Variants in VSX2 observed in about 807,000 individuals in gnomAD.
VSX2 encodes visual system homeobox 2.
A neutral mutation model predicts 32.1 loss-of-function variants in VSX2; 28 were observed. The ratio of observed to expected loss-of-function variants is 0.87; its 90% CI spans 0.65 to 1.20. The LOEUF is 1.20. Ranked by LOEUF, VSX2 falls within the 50% of genes most tolerant of loss-of-function variation. The pLI is 0.00. For synonymous variants in VSX2, 243 were observed against 214.1 expected, an observed-to-expected ratio of 1.14 and a Z score of -1.18; for missense variants, 506 against 488.7, an observed-to-expected ratio of 1.04 and a Z score of -0.33.
intron 2 of VSX2, among the ~76,000 whole-genome samples, chr14:74,244,920 GT>G (rs2079176836): frequency 1.2e-5 from 1 of 83,272 alleles, no homozygotes; most frequent in Non-Finnish European, 2.8e-5. Flanking sequence ...GTGTGTGTGT[GT>G]GTGTGTGTGA....
chr14:74,259,473 C>T (rs1410095462), intron 3 of VSX2, 129 bp from the exon 4 acceptor site: 25 of 1,026,756 alleles, frequency 2.4e-5, no homozygotes, highest in Non-Finnish European at 3.5e-5. Context: ...CAGAGGGCAC[C>T]ATGGAGTAGG....
rs1044773798 is a variant in VSX2, at chr14:74,241,166, T to C, written c.371-16T>C. Reference sequence around the variant, plus strand: ...CGTCCCCCACTCTGCCGCATGTCCCTACGCCCGCTTTTCAGATTCTGAAGA... The same window carrying C: ...CGTCCCCCACTCTGCCGCATGTCCCCACGCCCGCTTTTCAGATTCTGAAGA... On this transcript the variant is annotated splice_polypyrimidine_tract_variant and intron_variant, in intron 1 of 4. Coordinates refer to ENST00000261980, the MANE Select transcript of VSX2 (RefSeq NM_182894.3). 6.2e-7 allele frequency: 1 copy of C among 1,612,430 alleles called. No homozygotes were observed. The highest frequency in any genetic ancestry group is 8.5e-7 in the Non-Finnish European group (1 of 1,179,812).
rs1468169553 is a variant in VSX2, at chr14:74,239,513, T to C, written c.-49T>C. On this transcript the variant is annotated 5_prime_UTR_variant, in exon 1 of 5. Coordinates refer to ENST00000261980, the MANE Select transcript of VSX2 (RefSeq NM_182894.3). ...CGAAGCGGGAAGCCCGGCGGGGGGG[T>C]GGGGGGAGCTAAAGACCTGCGGCCT... 9.2e-6 allele frequency: 14 copies of C among 1,528,534 alleles called. 1 individual carries two copies. In the African/African-American group the frequency reaches 1.0e-4, roughly 11 times the overall value. The allele number at this position is 1,528,534 out of a possible 1,614,324, so 94.7% of individuals were successfully genotyped here.
chr14:74,244,881 AGTGTGTGTGT>A lies in VSX2; in HGVS notation c.456-244_456-235del, dbSNP rs57885912. On this transcript the variant is annotated intron_variant, in intron 2 of 4. Coordinates refer to ENST00000261980, the MANE Select transcript of VSX2 (RefSeq NM_182894.3). ...AACTATGAGACAGAGAGAGAGAGAAAGTGTGTGTGTGTGTGTGTGTGTGTGTGTGTGTGTG... is the reference window on the plus strand; with the variant it reads ...AACTATGAGACAGAGAGAGAGAGAAAGTGTGTGTGTGTGTGTGTGTGTGTG... Among the ~76,000 whole-genome samples the A allele has an allele frequency of 6.2e-3, 318 of 51,300 alleles. 26 individuals are homozygous for A. The highest frequency in any genetic ancestry group is 0.019 in the South Asian group (28 of 1,446). 33.7% of individuals were successfully genotyped at this position (51,300 alleles called of 152,430 possible).
At position 74,249,490 on chromosome 14, in the gene VSX2, G is replaced by A. The variant is rs183337828; in HGVS notation, c.579+4202G>A. Among the ~76,000 whole-genome samples, 34 of 152,232 alleles carry A rather than the reference G, an allele frequency of 2.2e-4. No individual in the cohort carries two copies. The South Asian group carries it at 6.8e-3, about 31-fold the overall frequency. ...TTGCCACGTTGGCCAGGCTGGTCTC[G>A]AACTCCTGACCTCAAATGATGCACC... is the stretch of plus-strand genomic sequence containing the variant. On this transcript the variant is annotated intron_variant, in intron 3 of 4. Coordinates refer to ENST00000261980, the MANE Select transcript of VSX2 (RefSeq NM_182894.3).
Position 74,261,057 on chromosome 14 carries a change from C to G in VSX2, c.*138C>G. On this transcript the variant is annotated 3_prime_UTR_variant, in exon 5 of 5. Transcript: ENST00000261980. ...GTTCCCCACAGGTCCTCCATCACCC[C>G]TGGTGGCTGCAGGCACCGCTGGGTT... 5.8e-6 allele frequency: 6 copies of G among 1,040,592 alleles called. No homozygotes were observed. The highest frequency in any genetic ancestry group is 6.2e-4 in the Middle Eastern group (2 of 3,206). 64.5% of individuals were successfully genotyped at this position (1,040,592 alleles called of 1,614,324 possible).
chr14:74,261,919 G>A lies in VSX2; in HGVS notation c.*1000G>A, dbSNP rs2079310648. ...CTGCCTTGAACAACCCAATCTGGCTGGTAAATGACATCTACGAAGCCACAG... is the reference window on the plus strand; with the variant it reads ...CTGCCTTGAACAACCCAATCTGGCTAGTAAATGACATCTACGAAGCCACAG... On this transcript the variant is annotated 3_prime_UTR_variant, in exon 5 of 5. Coordinates refer to ENST00000261980, the MANE Select transcript of VSX2 (RefSeq NM_182894.3). 6.6e-6 allele frequency: 1 copy of A among 152,176 alleles called. No homozygotes were observed. The highest frequency in any genetic ancestry group is 2.1e-4 in the South Asian group (1 of 4,832). The allele number at this position is 152,176 out of a possible 1,614,324, so 9.4% of individuals were successfully genotyped here.
At chr14:74,259,129 A>C (rs552107981) in intron 3 of VSX2, among the ~76,000 whole-genome samples, 2 of 151,960 alleles carry the variant, frequency 1.3e-5, no homozygotes, top group African/African-American at 4.8e-5. Context: ...CTGATCCCTC[A>C]CTCACCTGCA....
intron 2 of VSX2, among the ~76,000 whole-genome samples, chr14:74,242,883 G>A (rs531379967): frequency 6.6e-6 from 1 of 152,258 alleles, no homozygotes; most frequent in Non-Finnish European, 1.5e-5. Flanking sequence ...TCCGCATCAG[G>A]ACATCTCACT....
At chr14:74,240,587 G>A (rs990732772) in intron 1 of VSX2, among the ~76,000 whole-genome samples, 1 of 152,122 alleles carries the variant, frequency 6.6e-6, no homozygotes, top group African/African-American at 2.4e-5. Context: ...GTCGCGGCCC[G>A]CTCGAACCTC....
Position 74,261,169 on chromosome 14 carries a change from C to G in VSX2, c.*250C>G, listed in dbSNP as rs144569223. On this transcript the variant is annotated 3_prime_UTR_variant, in exon 5 of 5. Transcript: ENST00000261980. ...TCAGAAGCCTTCTTGCTGCCCACAA[C>G]GTCCCCTCAAGCCCCTTCTCTCAAT... 2.1e-5 allele frequency: 12 copies of G among 560,644 alleles called. No individual in the cohort carries two copies. The South Asian group carries it at 2.4e-4, about 11-fold the overall frequency. The allele number at this position is 560,644 out of a possible 1,614,324, so 34.7% of individuals were successfully genotyped here. A position where few individuals can be genotyped will look rare whatever the true frequency, so the allele number is the denominator to read the frequency against.
chr14:74,239,519 G>A lies in VSX2; in HGVS notation c.-43G>A, dbSNP rs1296068456. 1.3e-6 allele frequency: 2 copies of A among 1,548,894 alleles called. No homozygotes were observed. The highest frequency in any genetic ancestry group is 1.7e-6 in the Non-Finnish European group (2 of 1,146,448). On this transcript the variant is annotated 5_prime_UTR_variant, in exon 1 of 5. Coordinates refer to ENST00000261980, the MANE Select transcript of VSX2 (RefSeq NM_182894.3). Reference sequence around the variant, plus strand: ...GGGAAGCCCGGCGGGGGGGTGGGGGGAGCTAAAGACCTGCGGCCTCAGCCC... The same window carrying A: ...GGGAAGCCCGGCGGGGGGGTGGGGGAAGCTAAAGACCTGCGGCCTCAGCCC...
intron 3 of VSX2, 69 bp downstream of exon 3, chr14:74,245,357 C>T (rs977897801): frequency 6.9e-6 from 11 of 1,602,006 alleles, no homozygotes; most frequent in Middle Eastern, 1.7e-4. Flanking sequence ...TCCAGGGTTC[C>T]AGATGCCCAT....
chr14:74,261,214 G>A lies in VSX2; in HGVS notation c.*295G>A. 1 of 461,748 alleles carries A rather than the reference G, an allele frequency of 2.2e-6. No homozygotes were observed. Among genetic ancestry groups the A allele is most frequent in the Non-Finnish European group, 3.9e-6 (1 of 255,616 alleles). 28.6% of individuals were successfully genotyped at this position (461,748 alleles called of 1,614,324 possible). On this transcript the variant is annotated 3_prime_UTR_variant, in exon 5 of 5. Transcript: ENST00000261980. Reference sequence around the variant, plus strand: ...CTCAATCCCTTTGCAACGCTCACTGGTTTTGGCCACCCCTTGCTCTCTGTT... The same window carrying A: ...CTCAATCCCTTTGCAACGCTCACTGATTTTGGCCACCCCTTGCTCTCTGTT...
intron 3 of VSX2, 76 bp from the exon 4 acceptor site, chr14:74,259,526 C>T: frequency 6.3e-7 from 1 of 1,588,100 alleles, no homozygotes; most frequent in Non-Finnish European, 8.6e-7. Context: ...ATCTTCACTC[C>T]AAGCCTACAA....
At chr14:74,245,738 C>T (rs1346333739) in intron 3 of VSX2, among the ~76,000 whole-genome samples, 1 of 152,118 alleles carries the variant, frequency 6.6e-6, no homozygotes, top group Non-Finnish European at 1.5e-5. Context: ...CTCCCCTCTC[C>T]TCCCCTCCCC....
chr14:74,259,337 C>T (rs1211943667), intron 3 of VSX2, among the ~76,000 whole-genome samples: 2 of 152,144 alleles, frequency 1.3e-5, no homozygotes, highest in African/African-American at 4.8e-5. Flanking sequence ...GTCGATGACA[C>T]TGGGTCCTGC....
At chr14:74,250,477 A>G (rs2079221297) in intron 3 of VSX2, among the ~76,000 whole-genome samples, 1 of 152,166 alleles carries the variant, frequency 6.6e-6, no homozygotes, top group African/African-American at 2.4e-5. Flanking sequence ...CGAAGTAAAC[A>G]GAGACTACAT....
At chr14:74,251,939 T>TGGCAG (rs1274170627) in intron 3 of VSX2, among the ~76,000 whole-genome samples, 1 of 152,122 alleles carries the variant, frequency 6.6e-6, no homozygotes, top group Admixed American at 6.5e-5. Context: ...TGTGGCAAGA[T>TGGCAG]GGCAGGGCAG....
Sources: allele counts gnomAD v4.1 joint callset (sites outside exome capture counted in the v4.1 genomes callset), GRCh38; gene constraint gnomAD v4.1.1; transcripts MANE v1.5; gene names NCBI Gene and HGNC (gene_info 2026-07-23, HGNC 2026-07-21).